The following ERC2 variants were observed in gnomAD, a reference collection of about 807,000 sequenced individuals.
The protein encoded by ERC2 is ELKS/RAB6-interacting/CAST family member 2, also known as ERC protein 2.
A neutral mutation model predicts 114.8 loss-of-function variants in ERC2; 42 were observed. The observed-to-expected ratio is 0.37, with a 90% confidence interval of 0.29 to 0.47. ERC2 has a LOEUF of 0.47. Among genes scored for constraint, ERC2 ranks in the 20% least tolerant of loss-of-function variants. The pLI is 0.99. For synonymous variants in ERC2, 454 were observed against 425.5 expected, an observed-to-expected ratio of 1.07 and a Z score of -0.82; for missense variants, 939 against 1,150.7, an observed-to-expected ratio of 0.82 and a Z score of 2.66.
chr3:55,583,497 T>TCCC (rs2057402786), intron 17 of ERC2, among the ~76,000 whole-genome samples: 2 of 14,402 alleles, frequency 1.4e-4, no homozygotes, highest in African/African-American at 4.0e-4. Context: ...CCCTCTCTCC[T>TCCC]TCCCTCCCTC....
chr3:55,610,329 C>G (rs1274893427), intron 17 of ERC2, among the ~76,000 whole-genome samples: 3 of 152,068 alleles, frequency 2.0e-5, no homozygotes, highest in African/African-American at 7.2e-5. Flanking sequence ...AAAACCACTG[C>G]TGACAGCATC....
chr3:56,001,304 G>T (rs1048403818), intron 10 of ERC2, among the ~76,000 whole-genome samples: 1 of 151,990 alleles, frequency 6.6e-6, no homozygotes, highest in Non-Finnish European at 1.5e-5. Context: ...GCTTCCATAT[G>T]GTTGCAAATT....
intron 17 of ERC2, among the ~76,000 whole-genome samples, chr3:55,597,712 C>T (rs140063545): frequency 1.7e-4 from 26 of 152,276 alleles, no homozygotes; most frequent in Admixed American, 8.5e-4. Context: ...TTTGCAACAT[C>T]TAGCTCCTGG....
chr3:55,810,038 C>A (rs1185763914), intron 14 of ERC2, among the ~76,000 whole-genome samples: 1 of 152,174 alleles, frequency 6.6e-6, no homozygotes, highest in Non-Finnish European at 1.5e-5. Context: ...CTTTTCTTCA[C>A]AAGATATGTT....
chr3:55,760,955 A>G (rs1475793740), intron 14 of ERC2, among the ~76,000 whole-genome samples: 1 of 152,154 alleles, frequency 6.6e-6, no homozygotes, highest in African/African-American at 2.4e-5. Context: ...TCCCTCTGAA[A>G]AGAGTAGGTG....
At chr3:56,379,296 G>A (rs551662118) in intron 2 of ERC2, among the ~76,000 whole-genome samples, 1 of 152,178 alleles carries the variant, frequency 6.6e-6, no homozygotes, top group South Asian at 2.1e-4. Flanking sequence ...TATTACTTAT[G>A]AAGATAGCTC....
chr3:55,607,367 G>A (rs1422784102), intron 17 of ERC2, among the ~76,000 whole-genome samples: 1 of 152,178 alleles, frequency 6.6e-6, no homozygotes, highest in Non-Finnish European at 1.5e-5. Flanking sequence ...GAGTTAGCCA[G>A]CCAAGACTGG....
At chr3:55,755,630 T>C (rs2067002247) in intron 14 of ERC2, among the ~76,000 whole-genome samples, 1 of 152,184 alleles carries the variant, frequency 6.6e-6, no homozygotes, top group Non-Finnish European at 1.5e-5. Context: ...TAAGTATTTG[T>C]TACTTGCAAA....
At chr3:56,153,224 T>C (rs763317125) in intron 4 of ERC2, among the ~76,000 whole-genome samples, 3 of 152,158 alleles carry the variant, frequency 2.0e-5, no homozygotes, top group Non-Finnish European at 4.4e-5. Flanking sequence ...GTGAGTAAGA[T>C]ACCAGGTAGA....
intron 3 of ERC2, among the ~76,000 whole-genome samples, chr3:56,214,091 G>C (rs779106008): frequency 1.6e-4 from 25 of 152,192 alleles, no homozygotes; most frequent in Admixed American, 3.9e-4. Flanking sequence ...CTAAAACTCA[G>C]AGCGCCTCTC....
At chr3:55,620,134 G>C (rs2059267977) in intron 17 of ERC2, among the ~76,000 whole-genome samples, 1 of 152,128 alleles carries the variant, frequency 6.6e-6, no homozygotes, top group African/African-American at 2.4e-5. Flanking sequence ...CCATTGACCA[G>C]CGAGTCCCCA....
chr3:56,427,292 A>T (rs1014914833), intron 2 of ERC2, among the ~76,000 whole-genome samples: 16 of 151,718 alleles, frequency 1.1e-4, no homozygotes, highest in African/African-American at 3.9e-4. Flanking sequence ...TAGTTGGTTG[A>T]TTGGTTGGTT....
At chr3:55,761,202 T>C (rs1349607897) in intron 14 of ERC2, among the ~76,000 whole-genome samples, 1 of 152,198 alleles carries the variant, frequency 6.6e-6, no homozygotes, top group Non-Finnish European at 1.5e-5. Context: ...CTACTGGAGC[T>C]CAGGTCCCAG....
intron 17 of ERC2, among the ~76,000 whole-genome samples, chr3:55,581,860 G>C (rs1045168766): frequency 6.6e-6 from 1 of 152,190 alleles, no homozygotes; most frequent in Non-Finnish European, 1.5e-5. Context: ...CCATCAGGGA[G>C]AGTATAACCA....
chr3:55,671,281 C>CA (rs2061547698), intron 17 of ERC2, among the ~76,000 whole-genome samples: 1 of 152,108 alleles, frequency 6.6e-6, no homozygotes, highest in South Asian at 2.1e-4. Context: ...AGGTATATTA[C>CA]AAAAAATTAT....
At chr3:55,879,099 A>ATCTT (rs1553715240) in intron 14 of ERC2, among the ~76,000 whole-genome samples, 3 of 127,826 alleles carry the variant, frequency 2.3e-5, no homozygotes, top group Non-Finnish European at 3.2e-5. Context: ...CTTTTTCTTA[A>ATCTT]TTTTTTTTTT....
intron 14 of ERC2, among the ~76,000 whole-genome samples, chr3:55,801,491 AC>A (rs2071045826): frequency 6.6e-6 from 1 of 152,218 alleles, no homozygotes; most frequent in African/African-American, 2.4e-5. Context: ...TTGTCTAAAA[AC>A]CAGGTTACTG....
chr3:56,431,742 A>C (rs1309377561), intron 2 of ERC2, among the ~76,000 whole-genome samples: 2 of 152,202 alleles, frequency 1.3e-5, no homozygotes, highest in Non-Finnish European at 2.9e-5. Context: ...TATTGCAAGT[A>C]AATTGACTTT....
At chr3:55,644,886 C>T (rs966413683) in intron 17 of ERC2, among the ~76,000 whole-genome samples, 13 of 152,158 alleles carry the variant, frequency 8.5e-5, no homozygotes, top group African/African-American at 2.9e-4. Context: ...AAAGATTAAG[C>T]ATCACCAGTG....
Sources: allele counts gnomAD v4.1 joint callset (sites outside exome capture counted in the v4.1 genomes callset), GRCh38; gene constraint gnomAD v4.1.1; transcripts MANE v1.5; gene names NCBI Gene and HGNC (gene_info 2026-07-23, HGNC 2026-07-21).